The following CEP295 variants were observed in gnomAD, a reference collection of about 807,000 sequenced individuals.
The protein encoded by CEP295 is centrosomal protein of 295 kDa.
Under a neutral mutation model 291.6 loss-of-function variants are expected in CEP295, and 190 were observed. That is an observed-to-expected ratio of 0.65 (90% confidence interval 0.58 to 0.73). The LOEUF (loss-of-function observed/expected upper bound fraction) is 0.73. CEP295 is among the 30% of genes least tolerant of loss of function. The pLI is 0.00. For synonymous variants in CEP295, 993 were observed against 1,038.8 expected, an observed-to-expected ratio of 0.96 and a Z score of 0.85; for missense variants, 2,863 against 2,949.4, an observed-to-expected ratio of 0.97 and a Z score of 0.68.
rs1391611518 is a variant in CEP295 at position 93,730,093 on chromosome 11, A to C, written c.7712A>C (p.Lys2571Thr). 1 of 1,551,192 alleles carries C rather than the reference A, an allele frequency of 6.4e-7. No homozygotes were observed. The highest frequency in any genetic ancestry group is 1.4e-5 in the African/African-American group (1 of 72,992). The change falls in exon 29 of 30, where the codon AAA becomes ACA. Residue 2571 changes from lysine (K) to threonine (T), a missense_variant. Around this residue, in one of 3 missense-constraint regions of CEP295, gnomAD observed 2,295 missense variants for 2,335.7 expected, o/e 0.98. Transcript: ENST00000325212. ...LAEVKQQKEE[K>T]TKQEAYAQNR... ...GAAGTGAAACAACAAAAGGAAGAAA[A>C]AACAAAACAAGAAGCTTATGCCCAA...
At chr11:93,717,954 T>G (rs779085973) in intron 18 of CEP295, among the ~76,000 whole-genome samples, 1 of 152,186 alleles carries the variant, frequency 6.6e-6, no homozygotes, top group Non-Finnish European at 1.5e-5. Flanking sequence ...CTCTATCACC[T>G]AGGCTAGAGT....
At chr11:93,673,208 A>T (rs1033041561) in intron 5 of CEP295, among the ~76,000 whole-genome samples, 1 of 152,170 alleles carries the variant, frequency 6.6e-6, no homozygotes, top group Non-Finnish European at 1.5e-5. Flanking sequence ...CTAGCTACTC[A>T]GGAGGCTGAG....
At chr11:93,685,507 C>G (rs981316783) in intron 9 of CEP295, among the ~76,000 whole-genome samples, 1 of 152,132 alleles carries the variant, frequency 6.6e-6, no homozygotes, top group South Asian at 2.1e-4. Flanking sequence ...GTTGTCCAAA[C>G]GGAAGCCTAA....
chr11:93,676,545 A>G (rs187685650), intron 6 of CEP295, among the ~76,000 whole-genome samples: 24 of 152,156 alleles, frequency 1.6e-4, no homozygotes, highest in Admixed American at 1.2e-3. Flanking sequence ...TAAAATATTC[A>G]GTTAAGAACT....
At chr11:93,675,778 TTGA>T in intron 6 of CEP295, 112 bp downstream of exon 6, 1 of 538,530 alleles carries the variant, frequency 1.9e-6, no homozygotes, top group Non-Finnish European at 3.1e-6. Context: ...ATTTGGACAA[TTGA>T]TAATAATAAT....
chr11:93,676,563 A>G (rs1301905354), intron 6 of CEP295, among the ~76,000 whole-genome samples: 2 of 152,060 alleles, frequency 1.3e-5, no homozygotes, highest in Non-Finnish European at 2.9e-5. Flanking sequence ...ACTAAAATGA[A>G]TATCATCACA....
chr11:93,682,774 C>T (rs1442823606), intron 7 of CEP295, among the ~76,000 whole-genome samples: 2 of 152,150 alleles, frequency 1.3e-5, no homozygotes, highest in East Asian at 3.9e-4. Flanking sequence ...ATCATCCTTG[C>T]CCTCCATGCC....
At position 93,668,902 on chromosome 11, in the gene CEP295, A is replaced by G; in HGVS notation, c.404A>G (p.Gln135Arg). ...GAAGCCTTGAAAGTACAGAAAAATC[A>G]AAAAGAAATATTACTGAAACAAAAA... The part of the protein sequence containing the change: ...HKEALKVQKN[Q>R]KEILLKQKTW... Residue 135 changes from glutamine (Q) to arginine (R), a missense_variant, in exon 4 of 30, where the codon CAA becomes CGA. Transcript: ENST00000325212. 7.8e-7 allele frequency: 1 copy of G among 1,289,950 alleles called. No individual in the cohort carries two copies. The highest frequency in any genetic ancestry group is 1.1e-6 in the Non-Finnish European group (1 of 928,002). 79.9% of individuals were successfully genotyped at this position (1,289,950 alleles called of 1,614,324 possible). A position where few individuals can be genotyped will look rare whatever the true frequency, so the allele number is the denominator to read the frequency against.
At chr11:93,721,523 A>G (rs757974202) in intron 19 of CEP295, 111 bp downstream of exon 19, 1 of 820,638 alleles carries the variant, frequency 1.2e-6, no homozygotes. Flanking sequence ...GCTTTCTGAG[A>G]TCTGCTTTTA....
intron 25 of CEP295, chr11:93,729,079 C>T: frequency 2.0e-6 from 1 of 497,286 alleles, no homozygotes; most frequent in East Asian, 3.2e-5. Flanking sequence ...GTTATAGTGC[C>T]AAGTTGGAAG....
At chr11:93,713,747 A>G (rs1332183553) in intron 18 of CEP295, among the ~76,000 whole-genome samples, 1 of 152,164 alleles carries the variant, frequency 6.6e-6, no homozygotes, top group Non-Finnish European at 1.5e-5. Context: ...CCTTTGAACA[A>G]ACTCTATCCC....
At position 93,728,748 on chromosome 11, in the gene CEP295, G is replaced by A. The variant is rs1247595801; in HGVS notation, c.7229G>A (p.Ser2410Asn). Residue 2410 changes from serine (S) to asparagine (N), a missense_variant, in exon 25 of 30, where the codon AGT becomes AAT. By Grantham distance (46) the Ser-to-Asn change is conservative. Around this residue, in one of 3 missense-constraint regions of CEP295, gnomAD observed 2,295 missense variants for 2,335.7 expected, o/e 0.98. Coordinates refer to ENST00000325212, the MANE Select transcript of CEP295 (RefSeq NM_033395.2). ...ELTLISTTDT[S>N]IAEMDFANLT... The stretch of plus-strand genomic sequence containing the variant: ...ACTTTAATAAGCACCACTGATACCA[G>A]TATTGCTGAAATGGATTTTGCAAAT... The A allele has an allele frequency of 1.9e-6, 3 of 1,550,838 alleles. No homozygotes were observed. The highest frequency in any genetic ancestry group is 2.7e-5 in the African/African-American group (2 of 73,006).
chr11:93,705,145 A>G (rs1040726844), intron 17 of CEP295, among the ~76,000 whole-genome samples: 2 of 152,042 alleles, frequency 1.3e-5, no homozygotes, highest in African/African-American at 4.8e-5. Context: ...TGTAGTTTGT[A>G]CTATTTTCTC....
rs553678311 is a variant in CEP295, at chr11:93,717,096, G to A, written c.5750-4216G>A. On this transcript the variant is annotated intron_variant, in intron 18 of 29. Transcript: ENST00000325212. Reference sequence around the variant, plus strand: ...TTCCTGGGTCTGGGCTGTGCCTGTTGCTGCCTCTGGGACAAGTCAGCCTAA... The same window carrying A: ...TTCCTGGGTCTGGGCTGTGCCTGTTACTGCCTCTGGGACAAGTCAGCCTAA... Among the ~76,000 whole-genome samples the A allele has an allele frequency of 3.9e-5, 6 of 152,268 alleles. No homozygotes were observed. The South Asian group carries it at 6.2e-4, about 16-fold the overall frequency.
chr11:93,685,835 C>A (rs954465329), intron 9 of CEP295, among the ~76,000 whole-genome samples: 1 of 151,846 alleles, frequency 6.6e-6, no homozygotes, highest in Non-Finnish European at 1.5e-5. Flanking sequence ...CTCAGCCTCC[C>A]AAGTAGCTGG....
At chr11:93,673,185 C>T (rs900625940) in intron 5 of CEP295, among the ~76,000 whole-genome samples, 1 of 152,104 alleles carries the variant, frequency 6.6e-6, no homozygotes, top group Non-Finnish European at 1.5e-5. Flanking sequence ...TGTGGTGGCA[C>T]CTGCCTTTGA....
At position 93,699,738 on chromosome 11, in the gene CEP295, C is replaced by A. The variant is rs1037424628; in HGVS notation, c.4826C>A (p.Ala1609Glu). The A allele has an allele frequency of 1.3e-5, 20 of 1,551,860 alleles. No homozygotes were observed. Among genetic ancestry groups the A allele is most frequent in the Non-Finnish European group, 1.7e-5 (20 of 1,147,010 alleles). Residue 1609 changes from alanine (A) to glutamate (E), a missense_variant, in exon 15 of 30, where the codon GCA becomes GAA. Physicochemically the swap from Ala to Glu is moderately radical, Grantham distance 107. Around this residue, in one of 3 missense-constraint regions of CEP295, gnomAD observed 2,295 missense variants for 2,335.7 expected, o/e 0.98. Coordinates refer to ENST00000325212, the MANE Select transcript of CEP295 (RefSeq NM_033395.2). ...QQDNMTAQLD[A>E]QREVMYSYEK... The stretch of plus-strand genomic sequence containing the variant: ...GATAATATGACAGCACAATTGGATG[C>A]ACAAAGGGAAGTGATGTATTCTTAT...
intron 18 of CEP295, among the ~76,000 whole-genome samples, chr11:93,708,565 T>C (rs1339154105): frequency 6.6e-6 from 1 of 152,198 alleles, no homozygotes; most frequent in East Asian, 1.9e-4. Flanking sequence ...GATGGACACT[T>C]AGGTTGCTTC....
intron 17 of CEP295, among the ~76,000 whole-genome samples, chr11:93,705,680 GTTCT>G (rs1952467514): frequency 6.6e-6 from 1 of 151,980 alleles, no homozygotes; most frequent in African/African-American, 2.4e-5. Context: ...ACATTTTTTA[GTTCT>G]TTCATTTTTT....
Sources: gnomAD v4.1 joint callset for allele counts (sites outside exome capture counted in the v4.1 genomes callset) on GRCh38, gnomAD v4.1.1 for gene constraint, gnomAD v4.1.1 regional missense constraint, MANE v1.5 for transcripts, NCBI Gene and HGNC (gene_info 2026-07-23, HGNC 2026-07-21) for gene names.